The following NCLN variants were observed in gnomAD, a reference collection of about 807,000 sequenced individuals.
The protein encoded by NCLN is nicalin.
A neutral mutation model predicts 69.5 loss-of-function variants in NCLN; 34 were observed. The observed-to-expected ratio is 0.49, with a 90% CI of 0.37 to 0.65. The LOEUF is 0.65. Ranked by LOEUF, NCLN falls within the 30% of genes least tolerant of loss-of-function variation. The probability of loss-of-function intolerance (pLI) is 0.00; values close to 1 mark genes in which losing one functional copy is unlikely to be tolerated. For missense variants in NCLN, 710 were observed against 804.8 expected (o/e 0.88, Z 1.42); for synonymous variants, 393 against 358.3 (o/e 1.10, Z -1.09).
intron 9 of NCLN, 80 bp downstream of exon 9, chr19:3,204,831 G>A: frequency 7.6e-7 from 1 of 1,318,858 alleles, no homozygotes; most frequent in African/African-American, 1.5e-5. Context: ...CAGAGGCCAT[G>A]AGAGCCTGGA....
At chr19:3,203,926 G>C in intron 7 of NCLN, 79 bp from the exon 8 acceptor site, 1 of 1,566,742 alleles carries the variant, frequency 6.4e-7, no homozygotes, top group East Asian at 2.3e-5. Context: ...TGCCATGGGG[G>C]CAGCCAGGAG....
Position 3,192,500 on chromosome 19 carries a change from C to T in NCLN, c.215C>T (p.Ala72Val), listed in dbSNP as rs201944595. The T allele has an allele frequency of 6.2e-6, 10 of 1,607,058 alleles. No individual in the cohort carries two copies. Among genetic ancestry groups the T allele is most frequent in the East Asian group, 2.2e-5 (1 of 44,556 alleles). Residue 72 changes from alanine to valine, a missense_variant, in exon 2 of 15, where the codon GCG (alanine) becomes GTG (valine). Physicochemically the swap from Ala to Val is moderately conservative, Grantham distance 64. Coordinates refer to ENST00000246117, the MANE Select transcript of NCLN (RefSeq NM_020170.4). ...CGGAATGCAGTGCTGAACACGGAGG[C>T]GCGCACGATGGCGGCGGAGGTGCTG... ...GTRNAVLNTE[A>V]RTMAAEVLSR...
rs985185455 is a variant in NCLN, at chr19:3,185,970, AGCC to A, written c.-47_-45del. On this transcript the variant is annotated 5_prime_UTR_variant, in exon 1 of 15. Transcript: ENST00000246117. ...ACCCATGCCGAGGTGAGTCCGCGGG[AGCC>A]GCCGCCGCCGCCGTCCCGTCCCAGC... The A allele has an allele frequency of 1.3e-4, 176 of 1,325,914 alleles. No individual in the cohort carries two copies. Among genetic ancestry groups the A allele is most frequent in the South Asian group, 5.1e-4 (28 of 55,032 alleles). 82.1% of individuals were successfully genotyped at this position (1,325,914 alleles called of 1,614,324 possible).
intron 9 of NCLN, 151 bp downstream of exon 9, chr19:3,204,902 C>G: frequency 1.1e-6 from 1 of 885,706 alleles, no homozygotes. Flanking sequence ...AGGCCGGCTG[C>G]ACGGTCAGGC....
In NCLN at chr19:3,205,895, G is replaced by A. The variant is rs375848604; in HGVS notation, c.1209-44G>A. 5.7e-6 allele frequency: 9 copies of A among 1,591,714 alleles called. No homozygotes were observed. The highest frequency in any genetic ancestry group is 1.3e-5 in the African/African-American group (1 of 74,396). Reference sequence around the variant, plus strand: ...TACAAGTGTGAGAGCTACCTTGCCTGGCCCAAAGTCCACATTTTAAAACAT... The same window carrying A: ...TACAAGTGTGAGAGCTACCTTGCCTAGCCCAAAGTCCACATTTTAAAACAT... On this transcript the variant is annotated intron_variant, in intron 9 of 14. Transcript: ENST00000246117. The surrounding 1 kb of genome is among the most constrained non-coding windows in gnomAD (Gnocchi z 4.6).
At chr19:3,191,106 C>T (rs117128879) in intron 1 of NCLN, among the ~76,000 whole-genome samples, 6,795 of 128,824 alleles carry the variant, frequency 0.053, 133 homozygotes, top group East Asian at 0.086. Context: ...CGGTGCGTGG[C>T]GGGCAGCAGG....
At chr19:3,202,567 G>C (rs1339865895) in intron 6 of NCLN, among the ~76,000 whole-genome samples, 2 of 152,200 alleles carry the variant, frequency 1.3e-5, no homozygotes, top group Non-Finnish European at 2.9e-5. Flanking sequence ...CAGCAGCTCA[G>C]AGAGGCCAGG....
At chr19:3,195,170 A>C (rs1187034145) in intron 3 of NCLN, among the ~76,000 whole-genome samples, 15 of 121,224 alleles carry the variant, frequency 1.2e-4, no homozygotes, top group African/African-American at 4.9e-4. Flanking sequence ...TGACAGTACG[A>C]TACTCCGACT....
Position 3,205,082 on chromosome 19 carries a change from C to T in NCLN, c.1208+331C>T, listed in dbSNP as rs1023615438. ...ACAGCCCGAAAGTCCTGCCTGGCCC[C>T]GGCCACCGTCTTGGGGAGCCTGGCC... On this transcript the variant is annotated intron_variant, in intron 9 of 14. Coordinates refer to ENST00000246117, the MANE Select transcript of NCLN (RefSeq NM_020170.4). This position sits in a 1 kb window ranked among gnomAD's most constrained non-coding sequence, Gnocchi z 4.6. Among the ~76,000 whole-genome samples the T allele has an allele frequency of 7.9e-5, 12 of 152,156 alleles. No homozygotes were observed. Among genetic ancestry groups the T allele is most frequent in the African/African-American group, 2.4e-4 (10 of 41,434 alleles).
At chr19:3,197,260 T>C (rs968275329) in intron 4 of NCLN, among the ~76,000 whole-genome samples, 2 of 152,204 alleles carry the variant, frequency 1.3e-5, no homozygotes, top group Admixed American at 6.5e-5. Context: ...CCCTTTCCCC[T>C]GGCTGTGCCC....
Position 3,207,777 on chromosome 19 carries a change from C to T in NCLN, c.*89C>T, listed in dbSNP as rs764402034. The stretch of plus-strand genomic sequence containing the variant: ...GTGGACACTGCCCCGCCGCGGGCGG[C>T]CCTGCAGGGACAGGGGCCCTCTCCC... On this transcript the variant is annotated 3_prime_UTR_variant, in exon 15 of 15. Coordinates refer to ENST00000246117, the MANE Select transcript of NCLN (RefSeq NM_020170.4). 8.4e-7 allele frequency: 1 copy of T among 1,185,814 alleles called. No individual in the cohort carries two copies. The highest frequency in any genetic ancestry group is 1.5e-5 in the African/African-American group (1 of 66,430). 73.5% of individuals were successfully genotyped at this position (1,185,814 alleles called of 1,614,324 possible).
At chr19:3,194,589 C>A (rs550029745) in intron 3 of NCLN, among the ~76,000 whole-genome samples, 1 of 152,284 alleles carries the variant, frequency 6.6e-6, no homozygotes, top group South Asian at 2.1e-4. Flanking sequence ...CCTGCAAAGC[C>A]GAAAGTGTTA....
chr19:3,208,159 G>A lies in NCLN; in HGVS notation c.*471G>A, dbSNP rs984040487. 5.7e-5 allele frequency: 9 copies of A among 158,502 alleles called. No homozygotes were observed. Among genetic ancestry groups the A allele is most frequent in the Non-Finnish European group, 9.7e-5 (7 of 72,322 alleles). 9.8% of individuals were successfully genotyped at this position (158,502 alleles called of 1,614,324 possible). ...TCCCCTCCCGCTCCCCGATGGTGGC[G>A]TGGACATGGTTATTTATCTCTGCTC... On this transcript the variant is annotated 3_prime_UTR_variant, in exon 15 of 15. Transcript: ENST00000246117.
At chr19:3,204,229 C>T in intron 8 of NCLN, 85 bp downstream of exon 8, 3 of 1,413,794 alleles carry the variant, frequency 2.1e-6, no homozygotes, top group South Asian at 3.0e-5. Context: ...CCCAGGGTGT[C>T]CTTGCTGTCC....
At chr19:3,192,772 AG>A in intron 2 of NCLN, 112 bp downstream of exon 2, 1 of 959,200 alleles carries the variant, frequency 1.0e-6, no homozygotes, top group South Asian at 1.9e-5. Context: ...TTTGGAAAGT[AG>A]GATGGACTGT....
rs1229600426 is a variant in NCLN, at chr19:3,207,619, G to C, written c.1633-10G>C. The C allele has an allele frequency of 5.0e-6, 8 of 1,612,748 alleles. No individual in the cohort carries two copies. The highest frequency in any genetic ancestry group is 6.8e-6 in the Non-Finnish European group (8 of 1,179,836). On this transcript the variant is annotated splice_polypyrimidine_tract_variant and intron_variant, in intron 14 of 14. Transcript: ENST00000246117. ...GCCCACATCCTCACTCCCTCCTGCT[G>C]TGTCCCCAGCACTTCAGCCTCCTCT...
chr19:3,206,473 G>A (rs1482850132), intron 12 of NCLN, 48 bp downstream of exon 12: 1 of 1,513,882 alleles, frequency 6.6e-7, no homozygotes. Context: ...GGGCCGAGGG[G>A]GACCTCCCCC....
At chr19:3,186,416 C>T (rs994468447) in intron 1 of NCLN, among the ~76,000 whole-genome samples, 33 of 152,262 alleles carry the variant, frequency 2.2e-4, no homozygotes, top group African/African-American at 7.9e-4. Flanking sequence ...CAGGGACCCC[C>T]CGCGCTCGCT....
At chr19:3,206,575 C>A in intron 12 of NCLN, 150 bp downstream of exon 12, 1 of 1,069,042 alleles carries the variant, frequency 9.4e-7, no homozygotes, top group Non-Finnish European at 1.3e-6. Flanking sequence ...GGCGGCTGTG[C>A]CTGCAATCCC....
Sources: allele counts gnomAD v4.1 joint callset (sites outside exome capture counted in the v4.1 genomes callset), GRCh38; gene constraint gnomAD v4.1.1; non-coding constraint Gnocchi (gnomAD v3.1); transcripts MANE v1.5; gene names NCBI Gene and HGNC (gene_info 2026-07-23, HGNC 2026-07-21).